MFSD6: variants seen among roughly 807,000 people sequenced by gnomAD.
MFSD6 encodes major facilitator superfamily domain-containing protein 6.
Under a neutral mutation model 56.3 loss-of-function variants are expected in MFSD6, and 26 were observed. The observed-to-expected ratio is 0.46, with a 90% CI of 0.34 to 0.64. MFSD6 has a LOEUF of 0.64. Among genes scored for constraint, MFSD6 ranks in the 30% least tolerant of loss-of-function variants. The pLI is 0.01. For synonymous variants in MFSD6, 331 were observed against 366.9 expected, an observed-to-expected ratio of 0.90 and a Z score of 1.12; for missense variants, 750 against 986.2, an observed-to-expected ratio of 0.76 and a Z score of 3.21.
Position 190,436,953 on chromosome 2 carries a change from C to A in MFSD6, c.924C>A (p.Ile308=). ...GEFFSASSVT[I]VDTVTLQYLG... ...TTTTCAGTGCCTCTTCTGTCACAAT[C>A]GTAGACACGGTCACACTCCAGTATC... Residue 308 remains isoleucine, a synonymous_variant, in exon 3 of 8, where the codon ATC becomes ATA. Transcript: ENST00000392328. This position sits in a 1 kb window ranked among gnomAD's most constrained non-coding sequence, Gnocchi z 5.3. The A allele has an allele frequency of 6.2e-7, 1 of 1,614,176 alleles. No homozygotes were observed. Among genetic ancestry groups the A allele is most frequent in the Non-Finnish European group, 8.5e-7 (1 of 1,180,030 alleles).
In MFSD6 at chr2:190,424,672, C is replaced by G. The variant is rs752868878; in HGVS notation, c.-54+9259C>G. Among the ~76,000 whole-genome samples the G allele has an allele frequency of 2.0e-5, 3 of 152,140 alleles. No individual in the cohort carries two copies. The highest frequency in any genetic ancestry group is 2.9e-5 in the Non-Finnish European group (2 of 68,024). On this transcript the variant is annotated intron_variant, in intron 2 of 7. Transcript: ENST00000392328. This position sits in a 1 kb window ranked among gnomAD's most constrained non-coding sequence, Gnocchi z 5.9. The stretch of plus-strand genomic sequence containing the variant: ...TTTGCCCATGGATGTCTAATTACCT[C>G]AGCACCATTTGTTGAAAGGTTACCT...
In MFSD6 at chr2:190,437,585, G is replaced by A; in HGVS notation, c.1532+24G>A. The A allele has an allele frequency of 6.3e-7, 1 of 1,594,818 alleles. No individual in the cohort carries two copies. Among genetic ancestry groups the A allele is most frequent in the Non-Finnish European group, 8.6e-7 (1 of 1,168,678 alleles). ...AGGTAAGAACATGCTTACGATTGCT[G>A]CCCCTCAGCAATTGAACTTTATCTT... On this transcript the variant is annotated intron_variant, in intron 3 of 7. Coordinates refer to ENST00000392328, the MANE Select transcript of MFSD6 (RefSeq NM_017694.4). This position sits in a 1 kb window ranked among gnomAD's most constrained non-coding sequence, Gnocchi z 5.9.
chr2:190,466,254 C>T (rs998959180), intron 3 of MFSD6, among the ~76,000 whole-genome samples: 1 of 152,194 alleles, frequency 6.6e-6, no homozygotes. Flanking sequence ...GAACTTAAGA[C>T]TTCAGCACAT....
In MFSD6 at chr2:190,482,868, C is replaced by CTTTT. The variant is rs199927176; in HGVS notation, c.1631-5757_1631-5754dup. On this transcript the variant is annotated intron_variant, in intron 4 of 7. Transcript: ENST00000392328. ...GGAGAAGAGTTATTAAGACTATCAT[C>CTTTT]TTTTTTTTTTTTTTTTTTTTTTTTT... Among the ~76,000 whole-genome samples the CTTTT allele has an allele frequency of 3.3e-4, 16 of 48,286 alleles. 2 individuals carry two copies. The highest frequency in any genetic ancestry group is 1.3e-3 in the African/African-American group (14 of 11,034). 31.7% of individuals were successfully genotyped at this position (48,286 alleles called of 152,430 possible).
At position 190,423,888 on chromosome 2, in the gene MFSD6, A is replaced by G. The variant is rs1455534285; in HGVS notation, c.-54+8475A>G. On this transcript the variant is annotated intron_variant, in intron 2 of 7. Transcript: ENST00000392328. This position sits in a 1 kb window ranked among gnomAD's most constrained non-coding sequence, Gnocchi z 4.3. The stretch of plus-strand genomic sequence containing the variant: ...TTAATTTACATTTCCCTAATCATTA[A>G]TGATGTTGAACATCTTTTCATTTGT... 6.6e-6 allele frequency among the ~76,000 whole-genome samples: 1 copy of G among 152,214 alleles called. No homozygotes were observed. Among genetic ancestry groups the G allele is most frequent in the Non-Finnish European group, 1.5e-5 (1 of 68,028 alleles).
At position 190,438,877 on chromosome 2, in the gene MFSD6, A is replaced by G. The variant is rs1174203472; in HGVS notation, c.1532+1316A>G. Among the ~76,000 whole-genome samples the G allele has an allele frequency of 2.0e-5, 3 of 152,164 alleles. No homozygotes were observed. Among genetic ancestry groups the G allele is most frequent in the Non-Finnish European group, 4.4e-5 (3 of 68,032 alleles). On this transcript the variant is annotated intron_variant, in intron 3 of 7. Transcript: ENST00000392328. The surrounding 1 kb of genome is among the most constrained non-coding windows in gnomAD (Gnocchi z 5.2). ...CAACCTAGTATCAACCATTTCTTTA[A>G]GCAATTGTGAGTATTTTTTCTTGTT...
chr2:190,412,794 C>T lies in MFSD6; in HGVS notation c.-175-2498C>T, dbSNP rs1289371100. Among the ~76,000 whole-genome samples, 1 of 152,190 alleles carries T rather than the reference C, an allele frequency of 6.6e-6. No homozygotes were observed. The highest frequency in any genetic ancestry group is 2.4e-5 in the African/African-American group (1 of 41,446). ...CGTTATCCAGTACTTAGCCCCACTGCTGGATTCAGTAACATTTGCTTTGTA... is the reference window on the plus strand; with the variant it reads ...CGTTATCCAGTACTTAGCCCCACTGTTGGATTCAGTAACATTTGCTTTGTA... On this transcript the variant is annotated intron_variant, in intron 1 of 7. Coordinates refer to ENST00000392328, the MANE Select transcript of MFSD6 (RefSeq NM_017694.4). This position sits in a 1 kb window ranked among gnomAD's most constrained non-coding sequence, Gnocchi z 4.1.
rs529670633 is a variant in MFSD6, at chr2:190,412,638, C to T, written c.-175-2654C>T. The T allele has an allele frequency of 4.1e-6, 4 of 976,710 alleles. No individual in the cohort carries two copies. The East Asian group carries it at 3.4e-4, about 84-fold the overall frequency. 60.5% of individuals were successfully genotyped at this position (976,710 alleles called of 1,614,324 possible). On this transcript the variant is annotated intron_variant, in intron 1 of 7. Transcript: ENST00000392328. The surrounding 1 kb of genome is among the most constrained non-coding windows in gnomAD (Gnocchi z 4.1). ...CTTAATGCCTCCACCAAGAACATTT[C>T]CTTTGAGTTTATAATTCCTCCATGT...
chr2:190,417,688 A>C lies in MFSD6; in HGVS notation c.-54+2275A>C, dbSNP rs1690834237. ...GTCTGGGTGGCCTCATGTGCCCTTT[A>C]GTCTTGGGATAAATCTTTTACGGAT... On this transcript the variant is annotated intron_variant, in intron 2 of 7. Transcript: ENST00000392328. This position sits in a 1 kb window ranked among gnomAD's most constrained non-coding sequence, Gnocchi z 5.7. 6.6e-6 allele frequency among the ~76,000 whole-genome samples: 1 copy of C among 151,934 alleles called. No individual in the cohort carries two copies. The highest frequency in any genetic ancestry group is 2.4e-5 in the African/African-American group (1 of 41,346).
Position 190,457,865 on chromosome 2 carries a change from C to T in MFSD6, c.1533-11893C>T, listed in dbSNP as rs1362022267. On this transcript the variant is annotated intron_variant, in intron 3 of 7. Transcript: ENST00000392328. This position sits in a 1 kb window ranked among gnomAD's most constrained non-coding sequence, Gnocchi z 5.1. The stretch of plus-strand genomic sequence containing the variant: ...GCAGCATATGCCCCGCCATGCTGCC[C>T]ATTTTAAAACCAGATTAATTAGCAC... Among the ~76,000 whole-genome samples the T allele has an allele frequency of 1.3e-5, 2 of 152,266 alleles. No individual in the cohort carries two copies. The highest frequency in any genetic ancestry group is 4.8e-5 in the African/African-American group (2 of 41,554).
chr2:190,470,965 A>C (rs1161389800), intron 4 of MFSD6, among the ~76,000 whole-genome samples: 1 of 152,162 alleles, frequency 6.6e-6, no homozygotes, highest in Non-Finnish European at 1.5e-5. Context: ...AGCTAGTAAA[A>C]GGAGATTCTG....
At chr2:190,475,072 A>G (rs544621609) in intron 4 of MFSD6, among the ~76,000 whole-genome samples, 2 of 152,222 alleles carry the variant, frequency 1.3e-5, no homozygotes, top group East Asian at 1.9e-4. Context: ...TCTCAAAATA[A>G]TAAGAGCTAT....
At chr2:190,435,707 G>T (rs928670155) in intron 2 of MFSD6, among the ~76,000 whole-genome samples, 2 of 152,122 alleles carry the variant, frequency 1.3e-5, no homozygotes, top group African/African-American at 4.8e-5. Context: ...TTTTCCCTGG[G>T]AATCAATGAA....
intron 4 of MFSD6, among the ~76,000 whole-genome samples, chr2:190,484,501 A>G (rs1574233719): frequency 1.3e-5 from 2 of 152,226 alleles, no homozygotes; most frequent in Non-Finnish European, 1.5e-5. Context: ...AAGACTTCCT[A>G]AATCTTGTCT....
At chr2:190,479,022 G>A (rs1396134092) in intron 4 of MFSD6, among the ~76,000 whole-genome samples, 2 of 152,118 alleles carry the variant, frequency 1.3e-5, no homozygotes, top group Non-Finnish European at 2.9e-5. Flanking sequence ...GTAACTGCTG[G>A]TGGAGGATTC....
intron 4 of MFSD6, among the ~76,000 whole-genome samples, chr2:190,475,075 A>G (rs995577015): frequency 1.3e-5 from 2 of 152,202 alleles, no homozygotes; most frequent in African/African-American, 4.8e-5. Context: ...CAAAATAATA[A>G]GAGCTATCTA....
rs1168039361 is a variant in MFSD6 at position 190,443,782 on chromosome 2, G to A, written c.1532+6221G>A. On this transcript the variant is annotated intron_variant, in intron 3 of 7. Coordinates refer to ENST00000392328, the MANE Select transcript of MFSD6 (RefSeq NM_017694.4). The surrounding 1 kb of genome is among the most constrained non-coding windows in gnomAD (Gnocchi z 4.2). ...CTTCTTAAAGATTAGTCTAGTCTGG[G>A]TGTGGCTCACACCTATAATCCCAGC... Among the ~76,000 whole-genome samples, 1 of 152,144 alleles carries A rather than the reference G, an allele frequency of 6.6e-6. No individual in the cohort carries two copies. The highest frequency in any genetic ancestry group is 2.4e-5 in the African/African-American group (1 of 41,444).
At position 190,491,224 on chromosome 2, in the gene MFSD6, T is replaced by A. The variant is rs988157089; in HGVS notation, c.1891+1358T>A. ...ACTGGGTTAGTTTTTAAAATACTTG[T>A]GTTCTGGAGAGACTGTTATTGGGAA... is the stretch of plus-strand genomic sequence containing the variant. On this transcript the variant is annotated intron_variant, in intron 6 of 7. Coordinates refer to ENST00000392328, the MANE Select transcript of MFSD6 (RefSeq NM_017694.4). This position sits in a 1 kb window ranked among gnomAD's most constrained non-coding sequence, Gnocchi z 4.2. 6.6e-6 allele frequency among the ~76,000 whole-genome samples: 1 copy of A among 152,224 alleles called. No homozygotes were observed. The highest frequency in any genetic ancestry group is 1.5e-5 in the Non-Finnish European group (1 of 68,036).
rs1686928477 is a variant in MFSD6, at chr2:190,454,821, A to G, written c.1533-14937A>G. On this transcript the variant is annotated intron_variant, in intron 3 of 7. Coordinates refer to ENST00000392328, the MANE Select transcript of MFSD6 (RefSeq NM_017694.4). This position sits in a 1 kb window ranked among gnomAD's most constrained non-coding sequence, Gnocchi z 4.6. The stretch of plus-strand genomic sequence containing the variant: ...GGGATCCCCAAAGATTCTAAGAGTC[A>G]GAAGACACTAGAATAGGGACCTATG... Among the ~76,000 whole-genome samples, 1 of 152,174 alleles carries G rather than the reference A, an allele frequency of 6.6e-6. No homozygotes were observed. Among genetic ancestry groups the G allele is most frequent in the Non-Finnish European group, 1.5e-5 (1 of 68,026 alleles).
Sources: allele counts gnomAD v4.1 joint callset (sites outside exome capture counted in the v4.1 genomes callset), GRCh38; gene constraint gnomAD v4.1.1; non-coding constraint Gnocchi (gnomAD v3.1); transcripts MANE v1.5; gene names NCBI Gene and HGNC (gene_info 2026-07-23, HGNC 2026-07-21).